The following CTNND2 variants were observed in gnomAD, a reference collection of about 807,000 sequenced individuals.
The protein encoded by CTNND2 is catenin delta-2.
In CTNND2, 22 loss-of-function variants were observed where a neutral mutation model predicts 144.4. The observed-to-expected ratio is 0.15, with a 90% CI of 0.11 to 0.22. The LOEUF (loss-of-function observed/expected upper bound fraction) is 0.22. Among genes scored for constraint, CTNND2 ranks in the 10% least tolerant of loss-of-function variants. The pLI is 1.00. For missense variants in CTNND2, 1,353 were observed against 1,618.8 expected, an observed-to-expected ratio of 0.84 and a Z score of 2.82; for synonymous variants, 751 against 695.6, an observed-to-expected ratio of 1.08 and a Z score of -1.25.
At chr5:11,419,274 A>G (rs1299641890) in intron 3 of CTNND2, among the ~76,000 whole-genome samples, 2 of 152,202 alleles carry the variant, frequency 1.3e-5, no homozygotes, top group African/African-American at 4.8e-5. Flanking sequence ...TTATTTTAAA[A>G]ATATCTTTGA....
At chr5:11,899,058 C>G (rs1414293696) in intron 1 of CTNND2, among the ~76,000 whole-genome samples, 2 of 152,098 alleles carry the variant, frequency 1.3e-5, no homozygotes, top group Non-Finnish European at 2.9e-5. Context: ...CAAAAATGAC[C>G]ATCTATTTTC....
At chr5:11,391,475 T>C (rs995171066) in intron 6 of CTNND2, among the ~76,000 whole-genome samples, 1 of 152,192 alleles carries the variant, frequency 6.6e-6, no homozygotes, top group Non-Finnish European at 1.5e-5. Flanking sequence ...AAAACAAATC[T>C]ACATCCCCAA....
At chr5:11,066,204 T>C (rs1169840227) in intron 16 of CTNND2, among the ~76,000 whole-genome samples, 5 of 152,156 alleles carry the variant, frequency 3.3e-5, no homozygotes, top group Non-Finnish European at 7.4e-5. Flanking sequence ...CATACCCAGA[T>C]AATTTTTGTA....
In CTNND2 at chr5:11,814,282, T is replaced by C. The variant is rs148641256; in HGVS notation, c.38-82010A>G. On this transcript the variant is annotated intron_variant, in intron 1 of 21. Coordinates refer to ENST00000304623, the MANE Select transcript of CTNND2 (RefSeq NM_001332.4). ...TTTGTGTATCTACAGAGAGCAATCA[T>C]GAATCTCATATATAAAACTGAAGGC... 1.8e-3 allele frequency among the ~76,000 whole-genome samples: 281 copies of C among 152,360 alleles called. 1 individual carries two copies. Among genetic ancestry groups the C allele is most frequent in the African/African-American group, 6.5e-3 (269 of 41,596 alleles).
chr5:11,761,124 T>C (rs1194957668), intron 1 of CTNND2, among the ~76,000 whole-genome samples: 1 of 152,206 alleles, frequency 6.6e-6, no homozygotes, highest in East Asian at 1.9e-4. Context: ...GAAGGGCTCT[T>C]TTGTTTCGCC....
At chr5:10,980,775 A>G (rs532236154) in intron 21 of CTNND2, among the ~76,000 whole-genome samples, 18 of 152,284 alleles carry the variant, frequency 1.2e-4, no homozygotes, top group Admixed American at 4.6e-4. Flanking sequence ...TGGAAACATC[A>G]TTCTCAGGAA....
At chr5:11,236,551 C>CTAT in intron 10 of CTNND2, 140 bp downstream of exon 10, 1 of 930,926 alleles carries the variant, frequency 1.1e-6, no homozygotes, top group South Asian at 1.7e-5. Flanking sequence ...ATGAAACATG[C>CTAT]TATGTTCTAG....
At chr5:11,082,929 T>A in intron 15 of CTNND2, 83 bp from the exon 16 acceptor site, 1 of 1,502,580 alleles carries the variant, frequency 6.7e-7, no homozygotes, top group Non-Finnish European at 9.0e-7. Flanking sequence ...TTCAGGCGGC[T>A]GCTTACAGGA....
intron 2 of CTNND2, among the ~76,000 whole-genome samples, chr5:11,724,821 A>C (rs1294367137): frequency 6.6e-6 from 1 of 152,196 alleles, no homozygotes; most frequent in Non-Finnish European, 1.5e-5. Context: ...ACTTGCGAAA[A>C]TGCATCCCCA....
At chr5:11,341,798 G>A (rs762557298) in intron 9 of CTNND2, among the ~76,000 whole-genome samples, 29 of 152,236 alleles carry the variant, frequency 1.9e-4, no homozygotes, top group Admixed American at 6.5e-4. Context: ...ACTTGAGTCA[G>A]GGAGTTCAAG....
chr5:11,783,661 A>G (rs371057004), intron 1 of CTNND2, among the ~76,000 whole-genome samples: 83 of 152,302 alleles, frequency 5.4e-4, no homozygotes, highest in African/African-American at 1.9e-3. Context: ...GCCAGTGGAG[A>G]TCATGAGCAA....
intron 6 of CTNND2, chr5:11,385,926 T>G (rs1759043283): frequency 6.6e-6 from 1 of 152,106 alleles, no homozygotes; most frequent in Non-Finnish European, 1.5e-5. Context: ...AAGCCTCCCT[T>G]TTCTAGATTT....
In CTNND2 at chr5:11,298,122, A is replaced by G. The variant is rs531346786; in HGVS notation, c.1628+48250T>C. Among the ~76,000 whole-genome samples the G allele has an allele frequency of 2.6e-5, 4 of 152,304 alleles. No homozygotes were observed. In the South Asian group the frequency reaches 8.3e-4, roughly 32 times the overall value. ...AACTTTACGCCCTATGAAAACGATG[A>G]CAATTTTTAAGTGACAACAAAATCC... On this transcript the variant is annotated intron_variant, in intron 9 of 21. Coordinates refer to ENST00000304623, the MANE Select transcript of CTNND2 (RefSeq NM_001332.4).
At chr5:11,417,591 A>C (rs532421722) in intron 3 of CTNND2, among the ~76,000 whole-genome samples, 4 of 152,360 alleles carry the variant, frequency 2.6e-5, no homozygotes. Flanking sequence ...ATAAAAATTA[A>C]ACACAAGATA....
chr5:11,024,120 G>T lies in CTNND2; in HGVS notation c.2789-1141C>A, dbSNP rs1175079641. The stretch of plus-strand genomic sequence containing the variant: ...TCTGCTATTTAATTCTCTGGTGTAT[G>T]GTGCCTGGCAGCAGGAAGGGAACCT... On this transcript the variant is annotated intron_variant, in intron 16 of 21. Coordinates refer to ENST00000304623, the MANE Select transcript of CTNND2 (RefSeq NM_001332.4). Among the ~76,000 whole-genome samples the T allele has an allele frequency of 2.0e-5, 3 of 152,208 alleles. No individual in the cohort carries two copies. The East Asian group carries it at 5.8e-4, about 29-fold the overall frequency.
chr5:11,289,472 T>C (rs1280717605), intron 9 of CTNND2, among the ~76,000 whole-genome samples: 1 of 152,228 alleles, frequency 6.6e-6, no homozygotes, highest in Non-Finnish European at 1.5e-5. Flanking sequence ...GGGAAAGTTA[T>C]TCTTAGTATG....
chr5:11,872,662 T>G (rs1472997004), intron 1 of CTNND2, among the ~76,000 whole-genome samples: 1 of 137,676 alleles, frequency 7.3e-6, no homozygotes, highest in Non-Finnish European at 1.7e-5. Flanking sequence ...TCATGTTTGT[T>G]GGCTGCATAA....
chr5:11,092,404 T>C (rs1018932768), intron 15 of CTNND2, among the ~76,000 whole-genome samples: 3 of 152,206 alleles, frequency 2.0e-5, no homozygotes, highest in African/African-American at 7.2e-5. Context: ...CTATTAAAAA[T>C]GGGTTTTCTC....
At chr5:11,210,475 G>C (rs1023558920) in intron 10 of CTNND2, among the ~76,000 whole-genome samples, 1 of 152,100 alleles carries the variant, frequency 6.6e-6, no homozygotes, top group African/African-American at 2.4e-5. Context: ...TTCAAATGCC[G>C]GTCTTACTTT....
Sources: allele counts gnomAD v4.1 joint callset (sites outside exome capture counted in the v4.1 genomes callset), GRCh38; gene constraint gnomAD v4.1.1; transcripts MANE v1.5; gene names NCBI Gene and HGNC (gene_info 2026-07-23, HGNC 2026-07-21).